PFKFB3: variants seen among roughly 807,000 people sequenced by gnomAD.
PFKFB3 encodes the protein 6-phosphofructo-2-kinase/fructose-2,6-biphosphatase 3, also known as 6-phosphofructo-2-kinase/fructose-2,6-bisphosphatase 3.
PFKFB3 carries 33 observed loss-of-function variants against 68.0 expected under a neutral mutation model. The observed-to-expected ratio is 0.49, with a 90% CI of 0.37 to 0.65. PFKFB3 has a LOEUF of 0.65. Ranked by LOEUF, PFKFB3 falls within the 30% of genes least tolerant of loss-of-function variation. The pLI, the probability that PFKFB3 is intolerant of heterozygous loss-of-function variation, is 0.00. For synonymous variants in PFKFB3, 315 were observed against 288.2 expected, an observed-to-expected ratio of 1.09 and a Z score of -0.94; for missense variants, 586 against 712.2, an observed-to-expected ratio of 0.82 and a Z score of 2.02.
intron 1 of PFKFB3, among the ~76,000 whole-genome samples, chr10:6,156,676 T>C (rs1014970267): frequency 2.0e-5 from 3 of 150,528 alleles, no homozygotes; most frequent in African/African-American, 4.9e-5. Flanking sequence ...TTAGTAGAGA[T>C]GGGGTTTCGC....
downstream of PFKFB3, among the ~76,000 whole-genome samples, chr10:6,236,984 C>G (rs549379227): frequency 6.6e-6 from 1 of 152,322 alleles, no homozygotes; most frequent in African/African-American, 2.4e-5. Context: ...CATTCGCTGC[C>G]TGGGCTCGGT....
chr10:6,289,302 T>C, the PFKFB3 span, among the ~76,000 whole-genome samples: 1 of 151,520 alleles, frequency 6.6e-6, no homozygotes, highest in Admixed American at 6.6e-5. Context: ...TGAATGGTAA[T>C]GCCTAGGTTT....
intron 14 of PFKFB3, among the ~76,000 whole-genome samples, chr10:6,253,988 G>A (rs1253170939): frequency 1.3e-5 from 2 of 152,118 alleles, no homozygotes; most frequent in Non-Finnish European, 2.9e-5. Flanking sequence ...AGGTTGCAGT[G>A]AGCCGAGATC....
Position 6,210,513 on chromosome 10 carries a change from A to ACT in PFKFB3, c.77-3110_77-3109insCT, listed in dbSNP as rs1491269706. Among the ~76,000 whole-genome samples, 11 of 114,588 alleles carry ACT rather than the reference A, an allele frequency of 9.6e-5. 1 individual carries two copies. The East Asian group carries it at 2.0e-3, about 21-fold the overall frequency. 75.2% of individuals were successfully genotyped at this position (114,588 alleles called of 152,430 possible). A position where few individuals can be genotyped will look rare whatever the true frequency, so the allele number is the denominator to read the frequency against. ...GTAGCTGGGACTACAGGCGCCCGCCAACATGGCCGGCTAATTTTTTGTGTT... is the reference window on the plus strand; with the variant it reads ...GTAGCTGGGACTACAGGCGCCCGCCACTACATGGCCGGCTAATTTTTTGTGTT... On this transcript the variant is annotated intron_variant, in intron 1 of 14. Coordinates refer to ENST00000379775, the MANE Select transcript of PFKFB3 (RefSeq NM_004566.4).
chr10:6,246,783 A>G (rs1564234057), intron 14 of PFKFB3, among the ~76,000 whole-genome samples: 2 of 152,064 alleles, frequency 1.3e-5, no homozygotes, highest in African/African-American at 2.4e-5. Flanking sequence ...TGAACTAAGT[A>G]CCCTTGATTC....
downstream of PFKFB3, among the ~76,000 whole-genome samples, chr10:6,254,822 T>TG (rs1462426890): frequency 7.5e-6 from 1 of 132,464 alleles, no homozygotes; most frequent in Non-Finnish European, 1.6e-5. Context: ...TTTTTTTTTT[T>TG]TTTTTTTTTT....
rs1382976352 is a variant in PFKFB3 at position 6,220,700 on chromosome 10, C to A, written c.666C>A (p.Phe222Leu). The change falls in exon 8 of 15, where the codon TTC (phenylalanine) becomes TTA (leucine). Residue 222 changes from phenylalanine to leucine, a missense_variant. Transcript: ENST00000379775. This position sits in a 1 kb window ranked among gnomAD's most constrained non-coding sequence, Gnocchi z 4.1. ...LIKVIDVGRR[F>L]LVNRVQDHIQ... Reference sequence around the variant, plus strand: ...AGGTGATTGACGTGGGCCGGAGGTTCCTGGTGAACCGGGTGCAGGACCACA... The same window carrying A: ...AGGTGATTGACGTGGGCCGGAGGTTACTGGTGAACCGGGTGCAGGACCACA... 6 of 1,613,882 alleles carry A rather than the reference C, an allele frequency of 3.7e-6. No individual in the cohort carries two copies. The highest frequency in any genetic ancestry group is 1.3e-5 in the African/African-American group (1 of 74,874).
chr10:6,264,970 C>T, the PFKFB3 span, among the ~76,000 whole-genome samples: 1 of 152,068 alleles, frequency 6.6e-6, no homozygotes, highest in African/African-American at 2.4e-5. Context: ...TAATGATGTC[C>T]TTTCTAGCAT....
intron 14 of PFKFB3, chr10:6,245,778 T>C (rs1223921213): frequency 6.6e-6 from 1 of 152,196 alleles, no homozygotes; most frequent in Non-Finnish European, 1.5e-5. Flanking sequence ...AACAAAGTAA[T>C]CTGTAATGAA....
At chr10:6,205,582 G>T (rs961162094) in intron 1 of PFKFB3, among the ~76,000 whole-genome samples, 5 of 151,570 alleles carry the variant, frequency 3.3e-5, no homozygotes. Context: ...TAGTAAAGAC[G>T]GGGTTTCACC....
At chr10:6,192,548 G>A (rs1356304378) in intron 1 of PFKFB3, among the ~76,000 whole-genome samples, 7 of 152,112 alleles carry the variant, frequency 4.6e-5, no homozygotes, top group Admixed American at 3.3e-4. Flanking sequence ...GGCCCCTGCG[G>A]GTCACCCGGG....
chr10:6,302,768 A>G, the PFKFB3 span, among the ~76,000 whole-genome samples: 1 of 143,858 alleles, frequency 7.0e-6, no homozygotes, highest in African/African-American at 2.5e-5. Flanking sequence ...ACACACACAC[A>G]CACACACACA....
chr10:6,192,139 T>TACACACACACACACACACACACACAC, intron 1 of PFKFB3, among the ~76,000 whole-genome samples: 1 of 119,142 alleles, frequency 8.4e-6, no homozygotes, highest in Admixed American at 9.2e-5. Flanking sequence ...CATTCCCCAA[T>TACACACACACACACACACACACACAC]ACACACACAC....
At chr10:6,289,385 G>A in the PFKFB3 span, among the ~76,000 whole-genome samples, 3 of 151,952 alleles carry the variant, frequency 2.0e-5, no homozygotes, top group African/African-American at 7.3e-5. Context: ...TTTTGTGTAA[G>A]GTGTAAGGAA....
the PFKFB3 span, among the ~76,000 whole-genome samples, chr10:6,323,060 T>C: frequency 6.6e-6 from 1 of 152,366 alleles, no homozygotes; most frequent in Non-Finnish European, 1.5e-5. Context: ...TGAATCCCTC[T>C]GTGGATCATT....
chr10:6,151,958 A>C (rs1448930434), intron 1 of PFKFB3, among the ~76,000 whole-genome samples: 2 of 142,822 alleles, frequency 1.4e-5, no homozygotes, highest in Non-Finnish European at 3.1e-5. Flanking sequence ...TTCACATTAG[A>C]ATTAACTGGG....
intron 1 of PFKFB3, among the ~76,000 whole-genome samples, chr10:6,185,639 CTTTTTT>C (rs59230234): frequency 8.3e-6 from 1 of 120,544 alleles, no homozygotes; most frequent in African/African-American, 3.2e-5. Context: ...CTCCCCGCTC[CTTTTTT>C]TTTTTTTTTT....
chr10:6,247,486 C>G (rs1469824791), intron 14 of PFKFB3, among the ~76,000 whole-genome samples: 1 of 152,212 alleles, frequency 6.6e-6, no homozygotes, highest in African/African-American at 2.4e-5. Context: ...CCAGTTCAGG[C>G]CAAGGCCAAA....
At chr10:6,200,810 C>G (rs941934917), upstream of PFKFB3, among the ~76,000 whole-genome samples, 2 of 152,250 alleles carry the variant, frequency 1.3e-5, no homozygotes, top group African/African-American at 4.8e-5. Context: ...AGGAAAAGTG[C>G]CCGGTCTGCG....
Sources: allele counts gnomAD v4.1 joint callset (sites outside exome capture counted in the v4.1 genomes callset), GRCh38; gene constraint gnomAD v4.1.1; non-coding constraint Gnocchi (gnomAD v3.1); transcripts MANE v1.5; gene names NCBI Gene and HGNC (gene_info 2026-07-23, HGNC 2026-07-21).